KDM4B: variants seen among roughly 807,000 people sequenced by gnomAD.
KDM4B encodes lysine demethylase 4B.
In KDM4B, 32 loss-of-function variants were observed where a neutral mutation model predicts 125.2. The observed-to-expected ratio is 0.26, with a 90% CI of 0.19 to 0.34. KDM4B has a LOEUF of 0.34. Among genes scored for constraint, KDM4B ranks in the 10% least tolerant of loss-of-function variants. The pLI is 1.00. For missense variants in KDM4B, 1,190 were observed against 1,577.7 expected, an observed-to-expected ratio of 0.75 and a Z score of 4.16; for synonymous variants, 721 against 677.9, an observed-to-expected ratio of 1.06 and a Z score of -0.99.
At chr19:5,145,946 C>A (rs574607694) in intron 21 of KDM4B, among the ~76,000 whole-genome samples, 2 of 152,228 alleles carry the variant, frequency 1.3e-5, no homozygotes, top group Non-Finnish European at 2.9e-5. Flanking sequence ...GTCCCGAGGC[C>A]GCATTAAGGA....
At chr19:5,026,519 G>A (rs568630849) in intron 2 of KDM4B, among the ~76,000 whole-genome samples, 2 of 152,124 alleles carry the variant, frequency 1.3e-5, no homozygotes, top group Admixed American at 6.5e-5. Flanking sequence ...GCCCCTCTGT[G>A]ACGTTGTTAA....
chr19:5,133,214 G>A (rs1467934910), intron 13 of KDM4B, among the ~76,000 whole-genome samples: 3 of 152,186 alleles, frequency 2.0e-5, no homozygotes, highest in Non-Finnish European at 4.4e-5. Flanking sequence ...AGTTCAATGG[G>A]AACAGGCAAC....
chr19:5,094,978 G>A lies in KDM4B; in HGVS notation c.918+12474G>A, dbSNP rs569107623. ...CGTCCTGTGGAGGGGTCTGCAGCTCGGGGGCGGCGCCGGGGGCGGGGCAGG... is the reference window on the plus strand; with the variant it reads ...CGTCCTGTGGAGGGGTCTGCAGCTCAGGGGCGGCGCCGGGGGCGGGGCAGG... On this transcript the variant is annotated intron_variant, in intron 9 of 22. Transcript: ENST00000159111. Among the ~76,000 whole-genome samples the A allele has an allele frequency of 9.2e-5, 14 of 152,100 alleles. 1 individual carries two copies. The South Asian group carries it at 2.5e-3, about 27-fold the overall frequency.
At chr19:5,092,854 C>T (rs1233335633) in intron 9 of KDM4B, among the ~76,000 whole-genome samples, 2 of 152,162 alleles carry the variant, frequency 1.3e-5, no homozygotes, top group African/African-American at 2.4e-5. Flanking sequence ...CCTCAGCCGT[C>T]GTGGATGAGT....
chr19:5,087,489 C>T (rs1222787950), intron 9 of KDM4B, among the ~76,000 whole-genome samples: 4 of 152,234 alleles, frequency 2.6e-5, no homozygotes, highest in Admixed American at 1.3e-4. Flanking sequence ...TCACCTGCAG[C>T]GTCCCTTGGA....
intron 22 of KDM4B, among the ~76,000 whole-genome samples, 157 bp downstream of exon 22, chr19:5,150,607 A>G (rs538907762): frequency 1.3e-5 from 2 of 152,236 alleles, no homozygotes; most frequent in African/African-American, 2.4e-5. Context: ...CAGCTGGTCC[A>G]TGGGCTCCTG....
At chr19:5,097,909 C>T (rs931126443) in intron 9 of KDM4B, among the ~76,000 whole-genome samples, 1 of 152,212 alleles carries the variant, frequency 6.6e-6, no homozygotes, top group Non-Finnish European at 1.5e-5. Flanking sequence ...TCAGCAGAGC[C>T]GTCGTGGACC....
chr19:5,025,333 C>A (rs1338230433), intron 2 of KDM4B, among the ~76,000 whole-genome samples: 3 of 152,228 alleles, frequency 2.0e-5, no homozygotes, highest in Non-Finnish European at 4.4e-5. Flanking sequence ...GCTGTAGACT[C>A]TGTGGACCGT....
chr19:5,035,534 C>T lies in KDM4B; in HGVS notation c.141+2503C>T, dbSNP rs12976328. On this transcript the variant is annotated intron_variant, in intron 3 of 22. Coordinates refer to ENST00000159111, the MANE Select transcript of KDM4B (RefSeq NM_015015.3). The surrounding 1 kb of genome is among the most constrained non-coding windows in gnomAD (Gnocchi z 5.3). ...GGTTCCCGGGTGGCCTGTCCTCCCC[C>T]GCGCTGGCACCTCCGCTTCGTCCCT... 2.2e-3 allele frequency among the ~76,000 whole-genome samples: 338 copies of T among 152,226 alleles called. 2 individuals are homozygous for T. Among genetic ancestry groups the T allele is most frequent in the Non-Finnish European group, 3.9e-3 (263 of 67,994 alleles).
intron 3 of KDM4B, among the ~76,000 whole-genome samples, chr19:5,033,545 G>A (rs1188934157): frequency 4.6e-5 from 7 of 151,558 alleles, no homozygotes; most frequent in Admixed American, 1.3e-4. Flanking sequence ...GTGCTACTGC[G>A]CTCCTGCCCC....
chr19:5,012,609 C>T (rs1042243780), intron 1 of KDM4B, among the ~76,000 whole-genome samples: 1 of 152,194 alleles, frequency 6.6e-6, no homozygotes, highest in African/African-American at 2.4e-5. Context: ...GTTGAGGGGG[C>T]TGGCCAGGCA....
In KDM4B at chr19:5,129,323, TG is replaced by T. The variant is rs1368758714; in HGVS notation, c.1316-1749del. ...GGGAGGGTCCTCACTTGACCCTTAC[TG>T]GGGTCAGTGTGGGTCAAGGGTTAAG... is the stretch of plus-strand genomic sequence containing the variant. On this transcript the variant is annotated intron_variant, in intron 11 of 22. Coordinates refer to ENST00000159111, the MANE Select transcript of KDM4B (RefSeq NM_015015.3). 2.0e-5 allele frequency among the ~76,000 whole-genome samples: 3 copies of T among 151,958 alleles called. No homozygotes were observed. The East Asian group carries it at 5.8e-4, about 30-fold the overall frequency.
At chr19:5,006,361 T>C (rs907014595) in intron 1 of KDM4B, among the ~76,000 whole-genome samples, 2 of 152,062 alleles carry the variant, frequency 1.3e-5, no homozygotes, top group African/African-American at 4.8e-5. Context: ...CCACCCCTCC[T>C]CACTGTCCTT....
chr19:4,998,938 T>G (rs762229992), intron 1 of KDM4B, among the ~76,000 whole-genome samples: 8 of 152,278 alleles, frequency 5.3e-5, no homozygotes, highest in Middle Eastern at 3.4e-3. Flanking sequence ...ATCATGCTAA[T>G]TTGTCCCATT....
At chr19:5,008,906 CTTTTTTTTTT>C (rs200928850) in intron 1 of KDM4B, among the ~76,000 whole-genome samples, 2 of 104,466 alleles carry the variant, frequency 1.9e-5, no homozygotes, top group Admixed American at 1.0e-4. Context: ...TGGCCCCTGC[CTTTTTTTTTT>C]TTTTTTTTTT....
At position 4,969,897 on chromosome 19, in the gene KDM4B, A is replaced by G. The variant is rs73536534; in HGVS notation, c.-109+667A>G. Among the ~76,000 whole-genome samples, 365 of 151,526 alleles carry G rather than the reference A, an allele frequency of 2.4e-3. 1 individual carries two copies. The highest frequency in any genetic ancestry group is 8.3e-3 in the African/African-American group (343 of 41,252). Reference sequence around the variant, plus strand: ...TAAGCATATGCAATCTGGATTTTAGAAAAAAATCATCTTGCTATGCAACGG... The same window carrying G: ...TAAGCATATGCAATCTGGATTTTAGGAAAAAATCATCTTGCTATGCAACGG... On this transcript the variant is annotated intron_variant, in intron 1 of 22. Coordinates refer to ENST00000159111, the MANE Select transcript of KDM4B (RefSeq NM_015015.3).
chr19:5,128,863 G>T (rs1212790394), intron 11 of KDM4B, among the ~76,000 whole-genome samples: 1 of 148,498 alleles, frequency 6.7e-6, no homozygotes, highest in Non-Finnish European at 1.5e-5. Flanking sequence ...CGGGGGGCGG[G>T]GGGGGGGGTC....
At chr19:5,042,530 C>T (rs376199125) in intron 5 of KDM4B, among the ~76,000 whole-genome samples, 32 of 151,734 alleles carry the variant, frequency 2.1e-4, no homozygotes, top group African/African-American at 7.0e-4. Flanking sequence ...GAAACAAACA[C>T]CTGAGACTGG....
intron 10 of KDM4B, among the ~76,000 whole-genome samples, chr19:5,116,847 G>T (rs1029062485): frequency 2.0e-5 from 3 of 152,210 alleles, no homozygotes; most frequent in Non-Finnish European, 4.4e-5. Flanking sequence ...CAGGTGCAGG[G>T]AGAGAAGGGG....
Sources: gnomAD v4.1 joint callset for allele counts (sites outside exome capture counted in the v4.1 genomes callset) on GRCh38, gnomAD v4.1.1 for gene constraint, Gnocchi (gnomAD v3.1) non-coding constraint, MANE v1.5 for transcripts, NCBI Gene and HGNC (gene_info 2026-07-23, HGNC 2026-07-21) for gene names.